The following PLS1 variants were observed in gnomAD, a reference collection of about 807,000 sequenced individuals.
The protein encoded by PLS1 is plastin-1.
PLS1 carries 32 observed loss-of-function variants against 73.7 expected under a neutral mutation model. The observed-to-expected ratio is 0.43, with a 90% CI of 0.33 to 0.58. The LOEUF is 0.58. Ranked by LOEUF, PLS1 falls within the 20% of genes least tolerant of loss-of-function variation. PLS1 has a pLI of 0.04. For synonymous variants in PLS1, 217 were observed against 261.3 expected, an observed-to-expected ratio of 0.83 and a Z score of 1.63; for missense variants, 633 against 740.5, an observed-to-expected ratio of 0.85 and a Z score of 1.68.
At chr3:142,626,855 A>G (rs1013357635) in intron 1 of PLS1, among the ~76,000 whole-genome samples, 5 of 152,244 alleles carry the variant, frequency 3.3e-5, no homozygotes, top group African/African-American at 1.2e-4. Context: ...TAATCTGTTA[A>G]TCCACTCAAC....
chr3:142,670,761 G>A (rs1328320546), intron 3 of PLS1, among the ~76,000 whole-genome samples: 1 of 152,180 alleles, frequency 6.6e-6, no homozygotes, highest in African/African-American at 2.4e-5. Context: ...ATTTCAGTGT[G>A]TTCAATTTAA....
At chr3:142,704,372 TTTC>T (rs1387357174) in intron 13 of PLS1, 88 bp from the exon 14 acceptor site, 19 of 999,368 alleles carry the variant, frequency 1.9e-5, no homozygotes, top group Middle Eastern at 3.1e-4. Flanking sequence ...AACTGAACTA[TTTC>T]TTAAGTATTT....
chr3:142,700,170 A>T (rs2038297408), intron 12 of PLS1, among the ~76,000 whole-genome samples: 1 of 152,342 alleles, frequency 6.6e-6, no homozygotes, highest in Admixed American at 6.5e-5. Flanking sequence ...TAAAAAATGA[A>T]GAAGCAGTAC....
At chr3:142,670,644 G>GT (rs1479485225) in intron 3 of PLS1, among the ~76,000 whole-genome samples, 1 of 152,196 alleles carries the variant, frequency 6.6e-6, no homozygotes, top group East Asian at 1.9e-4. Flanking sequence ...CATTTGAGAT[G>GT]TTCAGGCAGG....
At chr3:142,664,423 C>T in intron 2 of PLS1, 116 bp downstream of exon 2, 1 of 522,242 alleles carries the variant, frequency 1.9e-6, no homozygotes, top group South Asian at 2.8e-5. Context: ...AGATTTATTC[C>T]TTTTTTTCTA....
intron 1 of PLS1, among the ~76,000 whole-genome samples, chr3:142,651,317 C>T (rs2037083319): frequency 6.6e-6 from 1 of 151,922 alleles, no homozygotes; most frequent in Non-Finnish European, 1.5e-5. Flanking sequence ...CAAAAATTAG[C>T]TGGGCATGGT....
intron 14 of PLS1, among the ~76,000 whole-genome samples, chr3:142,705,461 C>A (rs1443295008): frequency 6.6e-6 from 1 of 152,194 alleles, no homozygotes; most frequent in African/African-American, 2.4e-5. Flanking sequence ...TACATACATA[C>A]CCACTAATTT....
chr3:142,686,674 T>C (rs1426039237), intron 9 of PLS1, among the ~76,000 whole-genome samples: 1 of 152,206 alleles, frequency 6.6e-6, no homozygotes, highest in Non-Finnish European at 1.5e-5. Flanking sequence ...TACAGTTCTC[T>C]ACAAGCAGCA....
chr3:142,617,739 AGGCTGAGGCAGGTGGATCACTTGAGGT>A lies in PLS1; in HGVS notation c.-37+21231_-37+21257del, dbSNP rs377618518. 1.5e-3 allele frequency among the ~76,000 whole-genome samples: 225 copies of A among 152,248 alleles called. 1 individual carries two copies. Among genetic ancestry groups the A allele is most frequent in the African/African-American group, 5.3e-3 (219 of 41,544 alleles). ...AGTCCTATAATCCTAGCACTTTGGG[AGGCTGAGGCAGGTGGATCACTTGAGGT>A]CGGGAGTTTAAGACAAGCCGATTCA... is the stretch of plus-strand genomic sequence containing the variant. On this transcript the variant is annotated intron_variant, in intron 1 of 15. Coordinates refer to ENST00000457734, the MANE Select transcript of PLS1 (RefSeq NM_001145319.2).
intron 1 of PLS1, among the ~76,000 whole-genome samples, chr3:142,600,684 G>T (rs573639321): frequency 2.6e-5 from 4 of 151,698 alleles, no homozygotes; most frequent in Non-Finnish European, 5.9e-5. Context: ...TGCACACAGC[G>T]ATGAGGGAGC....
chr3:142,664,271 G>T lies in PLS1; in HGVS notation c.34G>T (p.Glu12Ter). 1 of 1,594,164 alleles carries T rather than the reference G, an allele frequency of 6.3e-7. No individual in the cohort carries two copies. The highest frequency in any genetic ancestry group is 1.1e-5 in the South Asian group (1 of 90,250). ...ENSTTTISRE[E>*]LEELQEAFNK... ...CAGTACTACTACCATTTCTCGGGAG[G>T]AGCTTGAAGAACTACAAGAGGCATT... Residue 12 changes from glutamate (E) to a stop codon, truncating the protein, a stop_gained, in exon 2 of 16, where the codon GAG (glutamate) becomes TAG (stop). Coordinates refer to ENST00000457734, the MANE Select transcript of PLS1 (RefSeq NM_001145319.2). LOFTEE classifies it high-confidence loss of function.
At chr3:142,615,824 G>A (rs753933945) in intron 1 of PLS1, among the ~76,000 whole-genome samples, 6 of 152,148 alleles carry the variant, frequency 3.9e-5, no homozygotes, top group Non-Finnish European at 8.8e-5. Context: ...AACCACTTTA[G>A]CTCCATTGAG....
chr3:142,694,446 G>T (rs369340729), intron 10 of PLS1, 23 bp from the exon 11 acceptor site: 14 of 1,493,500 alleles, frequency 9.4e-6, no homozygotes, highest in Non-Finnish European at 1.3e-5. Flanking sequence ...TGAGTCATCA[G>T]TGTGAGCTTG....
chr3:142,602,228 C>T (rs1036412428), intron 1 of PLS1, among the ~76,000 whole-genome samples: 15 of 152,086 alleles, frequency 9.9e-5, no homozygotes, highest in East Asian at 3.9e-4. Flanking sequence ...TCTGCTCCCA[C>T]CCTCTTTTGG....
At chr3:142,631,607 G>T (rs995315982) in intron 1 of PLS1, among the ~76,000 whole-genome samples, 3 of 135,290 alleles carry the variant, frequency 2.2e-5, no homozygotes, top group African/African-American at 8.1e-5. Flanking sequence ...GGTGCAGTGC[G>T]CCAAGATCAT....
At chr3:142,669,319 TC>T in intron 2 of PLS1, 70 bp from the exon 3 acceptor site, 1 of 864,798 alleles carries the variant, frequency 1.2e-6, no homozygotes, top group Non-Finnish European at 1.7e-6. Flanking sequence ...CTATGAATCC[TC>T]CCAAAAGGCA....
intron 1 of PLS1, among the ~76,000 whole-genome samples, chr3:142,625,738 C>T (rs961113933): frequency 2.0e-5 from 3 of 152,118 alleles, no homozygotes; most frequent in African/African-American, 7.2e-5. Context: ...ACTTTGGGAG[C>T]TGAGGCGGGT....
chr3:142,649,335 CAAAA>C (rs3055060), intron 1 of PLS1, among the ~76,000 whole-genome samples: 4 of 93,510 alleles, frequency 4.3e-5, no homozygotes, highest in Non-Finnish European at 8.0e-5. Flanking sequence ...GACCCTATGT[CAAAA>C]AAAAAAAAAA....
intron 1 of PLS1, among the ~76,000 whole-genome samples, chr3:142,613,633 C>A (rs529703347): frequency 6.6e-6 from 1 of 152,044 alleles, no homozygotes; most frequent in Admixed American, 6.6e-5. Flanking sequence ...GGGCAAAGAC[C>A]AAGAATTCAA....
Sources: allele counts gnomAD v4.1 joint callset (sites outside exome capture counted in the v4.1 genomes callset), GRCh38; gene constraint gnomAD v4.1.1; transcripts MANE v1.5; gene names NCBI Gene and HGNC (gene_info 2026-07-23, HGNC 2026-07-21).